ACTN4: variants seen among roughly 807,000 people sequenced by gnomAD.
ACTN4 encodes alpha-actinin-4.
ACTN4 carries 18 observed loss-of-function variants against 114.2 expected under a neutral mutation model. That is an observed-to-expected ratio of 0.16 (90% CI 0.11 to 0.23). The LOEUF (loss-of-function observed/expected upper bound fraction) is 0.23. Ranked by LOEUF, ACTN4 falls within the 10% of genes least tolerant of loss-of-function variation. ACTN4 has a pLI of 1.00. For synonymous variants in ACTN4, 515 were observed against 506.3 expected (o/e 1.02, Z -0.23); for missense variants, 722 against 1,262.9 (o/e 0.57, Z 6.49).
In ACTN4 at chr19:38,727,766, G is replaced by C; in HGVS notation, c.2338-180G>C. On this transcript the variant is annotated intron_variant, in intron 18 of 20. Coordinates refer to ENST00000252699, the MANE Select transcript of ACTN4 (RefSeq NM_004924.6). This position sits in a 1 kb window ranked among gnomAD's most constrained non-coding sequence, Gnocchi z 5.4. ...TCCGAGGTTGGGGAAAGGATGAAAG[G>C]GGCCCGTGCCGCCCCCGACCCCACG... is the stretch of plus-strand genomic sequence containing the variant. 3 of 628,900 alleles carry C rather than the reference G, an allele frequency of 4.8e-6. No individual in the cohort carries two copies. Among genetic ancestry groups the C allele is most frequent in the Non-Finnish European group, 8.5e-6 (3 of 354,112 alleles). The allele number at this position is 628,900 out of a possible 1,614,324, so 39.0% of individuals were successfully genotyped here.
In ACTN4 at chr19:38,724,368, G is replaced by A; in HGVS notation, c.1875+29G>A. On this transcript the variant is annotated intron_variant, in intron 15 of 20. Coordinates refer to ENST00000252699, the MANE Select transcript of ACTN4 (RefSeq NM_004924.6). This position sits in a 1 kb window ranked among gnomAD's most constrained non-coding sequence, Gnocchi z 7.0. ...GGCCGGGGCCATCCGTAGGGGCTGG[G>A]GCAGGACGGCGGGGCTGGGGGCCAC... 5.6e-6 allele frequency: 9 copies of A among 1,612,466 alleles called. No homozygotes were observed. Among genetic ancestry groups the A allele is most frequent in the Non-Finnish European group, 7.6e-6 (9 of 1,179,650 alleles).
chr19:38,714,675 C>T (rs559471456), intron 9 of ACTN4, 114 bp downstream of exon 9: 16 of 1,098,976 alleles, frequency 1.5e-5, no homozygotes, highest in South Asian at 1.2e-4. Flanking sequence ...GAAAAGGCTG[C>T]GTGGTCACAG....
At chr19:38,647,998 T>G in intron 1 of ACTN4, 91 bp downstream of exon 1, 1 of 1,339,342 alleles carries the variant, frequency 7.5e-7, no homozygotes, top group Non-Finnish European at 9.6e-7. Context: ...CTGGAGCGTC[T>G]GTGATGGGAA....
At chr19:38,709,162 G>A (rs2145027649) in intron 6 of ACTN4, among the ~76,000 whole-genome samples, 1 of 152,272 alleles carries the variant, frequency 6.6e-6, no homozygotes, top group South Asian at 2.1e-4. Context: ...TTTTTCTGGA[G>A]AAAAAGCCCT....
At chr19:38,681,649 C>T (rs565178216) in intron 1 of ACTN4, among the ~76,000 whole-genome samples, 150 of 152,324 alleles carry the variant, frequency 9.8e-4, no homozygotes, top group African/African-American at 3.5e-3. Context: ...GTCCTCAGAT[C>T]ACACCTCCCT....
At chr19:38,720,196 G>A (rs903105062) in intron 11 of ACTN4, among the ~76,000 whole-genome samples, 5 of 152,220 alleles carry the variant, frequency 3.3e-5, no homozygotes, top group Admixed American at 6.5e-5. Flanking sequence ...CCCACAGCCC[G>A]CAGCGGGAGG....
intron 7 of ACTN4, 72 bp from the exon 8 acceptor site, chr19:38,710,185 G>A (rs1033379124): frequency 5.8e-6 from 9 of 1,539,342 alleles, no homozygotes; most frequent in Admixed American, 5.0e-5. Context: ...TTGGGAGCCC[G>A]TGGATCCCAG....
At chr19:38,667,833 A>G (rs995817304) in intron 1 of ACTN4, among the ~76,000 whole-genome samples, 1 of 152,178 alleles carries the variant, frequency 6.6e-6, no homozygotes, top group African/African-American at 2.4e-5. Flanking sequence ...CAAGGTTTGT[A>G]TCTTGTCATT....
chr19:38,695,002 G>C (rs1968048023), intron 1 of ACTN4, among the ~76,000 whole-genome samples: 1 of 152,180 alleles, frequency 6.6e-6, no homozygotes, highest in Admixed American at 6.5e-5. Flanking sequence ...AGCCTCTCGA[G>C]TAGCTGGGAC....
intron 4 of ACTN4, 45 bp downstream of exon 4, chr19:38,705,065 C>A (rs759775557): frequency 1.9e-6 from 3 of 1,553,032 alleles, no homozygotes; most frequent in African/African-American, 1.4e-5. Flanking sequence ...TGAGTCAGGG[C>A]GGGTTAGAGG....
At chr19:38,699,901 T>C (rs1360556257) in intron 1 of ACTN4, among the ~76,000 whole-genome samples, 1 of 152,168 alleles carries the variant, frequency 6.6e-6, no homozygotes, top group African/African-American at 2.4e-5. Flanking sequence ...TCCTGGCCTT[T>C]CCTGGGAGGG....
At chr19:38,706,168 AG>A (rs1334075517) in intron 5 of ACTN4, 37 bp downstream of exon 5, 2 of 1,594,518 alleles carry the variant, frequency 1.3e-6, no homozygotes, top group Non-Finnish European at 1.7e-6. Context: ...CCTTTCCTCT[AG>A]GAACCTGAGA....
chr19:38,704,874 G>A (rs1009754161), intron 3 of ACTN4, 60 bp from the exon 4 acceptor site: 58 of 1,516,112 alleles, frequency 3.8e-5, no homozygotes, highest in East Asian at 2.3e-4. Context: ...CAGGTTGGGC[G>A]GAGGAGCCTC....
At chr19:38,683,679 G>A (rs772863126) in intron 1 of ACTN4, among the ~76,000 whole-genome samples, 7 of 152,192 alleles carry the variant, frequency 4.6e-5, no homozygotes, top group East Asian at 1.9e-4. Context: ...TGTGCAGTCC[G>A]GGAACCGATT....
At chr19:38,655,703 C>T (rs1310114907) in intron 1 of ACTN4, among the ~76,000 whole-genome samples, 1 of 152,138 alleles carries the variant, frequency 6.6e-6, no homozygotes, top group Non-Finnish European at 1.5e-5. Context: ...AACCAGGACA[C>T]ATTGAAAATA....
At chr19:38,673,192 C>T (rs1368153092) in intron 1 of ACTN4, among the ~76,000 whole-genome samples, 4 of 151,474 alleles carry the variant, frequency 2.6e-5, no homozygotes, top group Non-Finnish European at 4.4e-5. Flanking sequence ...ATCCCCCCAC[C>T]TCAGCCTCCC....
chr19:38,667,529 GA>G (rs1183249466), intron 1 of ACTN4, among the ~76,000 whole-genome samples: 1 of 152,064 alleles, frequency 6.6e-6, no homozygotes, highest in Admixed American at 6.6e-5. Context: ...TGCTTTTTCA[GA>G]GACAGCCTTT....
intron 2 of ACTN4, 91 bp downstream of exon 2, chr19:38,700,805 A>G (rs1296779951): frequency 2.1e-6 from 3 of 1,409,542 alleles, no homozygotes; most frequent in African/African-American, 2.8e-5. Context: ...CAGCTGTCCC[A>G]TTGCTCCTGG....
rs1969137593 is a variant in ACTN4, at chr19:38,723,957, G to A, written c.1572G>A (p.Glu524=). The change falls in exon 14 of 21, where the codon GAG becomes GAA. Residue 524 remains glutamate, a synonymous_variant. Transcript: ENST00000252699. Reference sequence around the variant, plus strand: ...ACTAGAAAACAGAGAAGCAGCTGGAGGCCATCGACCAGCTGCACCTGGAAT... The same window carrying A: ...ACTAGAAAACAGAGAAGCAGCTGGAAGCCATCGACCAGCTGCACCTGGAAT... ...EALEKTEKQL[E]AIDQLHLEYA... The A allele has an allele frequency of 1.2e-6, 2 of 1,613,452 alleles. No homozygotes were observed. The highest frequency in any genetic ancestry group is 3.3e-4 in the Middle Eastern group (2 of 6,058).
Sources: gnomAD v4.1 joint callset for allele counts (sites outside exome capture counted in the v4.1 genomes callset) on GRCh38, gnomAD v4.1.1 for gene constraint, Gnocchi (gnomAD v3.1) non-coding constraint, MANE v1.5 for transcripts, NCBI Gene and HGNC (gene_info 2026-07-23, HGNC 2026-07-21) for gene names.